The following ASIC2 variants were observed in gnomAD, a reference collection of about 807,000 sequenced individuals.
ASIC2 encodes acid-sensing ion channel 2.
In ASIC2, 25 loss-of-function variants were observed where a neutral mutation model predicts 57.3. That is an observed-to-expected ratio of 0.44 (90% CI 0.32 to 0.61). The LOEUF (loss-of-function observed/expected upper bound fraction) is 0.61. Ranked by LOEUF, ASIC2 falls within the 20% of genes least tolerant of loss-of-function variation. The pLI is 0.06. For missense variants in ASIC2, 641 were observed against 738.1 expected (o/e 0.87, Z 1.52); for synonymous variants, 319 against 307.5 (o/e 1.04, Z -0.39).
At chr17:33,305,907 A>G (rs1368778963) in intron 1 of ASIC2, among the ~76,000 whole-genome samples, 2 of 152,174 alleles carry the variant, frequency 1.3e-5, no homozygotes, top group East Asian at 1.9e-4. Context: ...ATCACCATAG[A>G]TAAAAGCTTC....
intron 1 of ASIC2, among the ~76,000 whole-genome samples, chr17:33,933,956 T>G (rs1303029727): frequency 6.6e-6 from 1 of 152,242 alleles, no homozygotes; most frequent in Non-Finnish European, 1.5e-5. Context: ...GCCGAGCTGT[T>G]AGTTTTTCTG....
At chr17:34,120,110 CCT>C (rs762420987) in intron 1 of ASIC2, 1 of 152,138 alleles carries the variant, frequency 6.6e-6, no homozygotes, top group Non-Finnish European at 1.5e-5. Context: ...CAGATTTGCC[CCT>C]GCTTTGCCTC....
intron 1 of ASIC2, among the ~76,000 whole-genome samples, chr17:33,200,444 C>T (rs1384951693): frequency 6.6e-6 from 1 of 152,194 alleles, no homozygotes; most frequent in Non-Finnish European, 1.5e-5. Flanking sequence ...AAATCTCACT[C>T]GGATGTTCAA....
At chr17:33,578,280 G>C (rs1420456213) in intron 1 of ASIC2, among the ~76,000 whole-genome samples, 5 of 152,156 alleles carry the variant, frequency 3.3e-5, no homozygotes, top group Admixed American at 6.5e-5. Context: ...GCAAATGACA[G>C]CACAGTGAAA....
intron 1 of ASIC2, among the ~76,000 whole-genome samples, chr17:34,098,509 C>T (rs867814480): frequency 5.3e-5 from 8 of 152,162 alleles, no homozygotes; most frequent in Middle Eastern, 3.4e-3. Context: ...AAAATGAGGG[C>T]GAATGTGCTC....
chr17:33,843,123 C>T (rs1299758804), intron 1 of ASIC2, among the ~76,000 whole-genome samples: 1 of 152,206 alleles, frequency 6.6e-6, no homozygotes, highest in Non-Finnish European at 1.5e-5. Context: ...ATTGCACGTG[C>T]CATTTGCAAT....
intron 1 of ASIC2, among the ~76,000 whole-genome samples, chr17:33,233,100 G>T (rs1908169769): frequency 6.6e-6 from 1 of 151,986 alleles, no homozygotes; most frequent in Non-Finnish European, 1.5e-5. Flanking sequence ...CTGACAGTCT[G>T]GGAATGGATT....
intron 2 of ASIC2, among the ~76,000 whole-genome samples, chr17:33,091,294 C>T (rs1465098233): frequency 6.6e-6 from 1 of 151,648 alleles, no homozygotes; most frequent in Non-Finnish European, 1.5e-5. Flanking sequence ...GAGTGTGGAG[C>T]CTGAAAAACA....
chr17:33,256,197 C>T (rs962261644), intron 1 of ASIC2, among the ~76,000 whole-genome samples: 3 of 151,936 alleles, frequency 2.0e-5, no homozygotes, highest in African/African-American at 4.8e-5. Context: ...CTGGCCACAG[C>T]GATTAGTAAA....
chr17:33,051,318 C>G (rs1044631769), intron 3 of ASIC2, among the ~76,000 whole-genome samples: 1 of 152,090 alleles, frequency 6.6e-6, no homozygotes, highest in Admixed American at 6.6e-5. Flanking sequence ...AATCCTGGTC[C>G]TACCGCACAC....
intron 1 of ASIC2, among the ~76,000 whole-genome samples, chr17:33,503,542 G>A (rs1914162435): frequency 6.6e-6 from 1 of 152,092 alleles, no homozygotes; most frequent in Non-Finnish European, 1.5e-5. Flanking sequence ...ATAAAAGACG[G>A]AGCCTTGGGG....
intron 1 of ASIC2, among the ~76,000 whole-genome samples, chr17:33,408,129 T>C (rs1212871438): frequency 1.3e-5 from 2 of 152,324 alleles, no homozygotes; most frequent in East Asian, 1.9e-4. Flanking sequence ...TGGGCAGAGT[T>C]TGACATGCAG....
Position 33,072,644 on chromosome 17 carries a change from C to T in ASIC2, c.987+16219G>A, listed in dbSNP as rs150335721. On this transcript the variant is annotated intron_variant, in intron 3 of 9. Transcript: ENST00000225823. ...CAGGTGACGTACGTAGGCAGGCATTCGGCCATTTGACGGGGAGAGAGTTTG... is the reference window on the plus strand; with the variant it reads ...CAGGTGACGTACGTAGGCAGGCATTTGGCCATTTGACGGGGAGAGAGTTTG... Among the ~76,000 whole-genome samples the T allele has an allele frequency of 4.9e-4, 74 of 152,318 alleles. 1 individual carries two copies. In the East Asian group the frequency reaches 7.9e-3, roughly 16 times the overall value.
At chr17:33,937,489 G>T (rs974261509) in intron 1 of ASIC2, among the ~76,000 whole-genome samples, 1 of 151,984 alleles carries the variant, frequency 6.6e-6, no homozygotes, top group Non-Finnish European at 1.5e-5. Flanking sequence ...GAGCATATTG[G>T]AGAAAAGAAG....
intron 1 of ASIC2, among the ~76,000 whole-genome samples, chr17:33,764,771 G>T (rs1403053807): frequency 6.6e-6 from 1 of 152,156 alleles, no homozygotes; most frequent in Non-Finnish European, 1.5e-5. Flanking sequence ...TGCCACACTG[G>T]GGGTAAGTTT....
chr17:33,351,517 C>G (rs891094973), intron 1 of ASIC2, among the ~76,000 whole-genome samples: 1 of 152,156 alleles, frequency 6.6e-6, no homozygotes, highest in Non-Finnish European at 1.5e-5. Flanking sequence ...CCCCCAGGTA[C>G]AGAGCCCACT....
intron 3 of ASIC2, among the ~76,000 whole-genome samples, chr17:33,056,583 T>C (rs16573): frequency 0.11 from 17,035 of 152,178 alleles, 1,249 homozygotes; most frequent in South Asian, 0.26. Flanking sequence ...CCCACTGTAA[T>C]GTGCTGGGTG....
chr17:33,100,199 G>A (rs1464317212), intron 2 of ASIC2: 1 of 152,226 alleles, frequency 6.6e-6, no homozygotes, highest in Non-Finnish European at 1.5e-5. Flanking sequence ...ACTTTAGCAG[G>A]ACTCCCAAGA....
At chr17:33,235,220 C>A (rs1908247384) in intron 1 of ASIC2, among the ~76,000 whole-genome samples, 2 of 152,170 alleles carry the variant, frequency 1.3e-5, no homozygotes, top group South Asian at 4.1e-4. Flanking sequence ...AAAGCAAAAC[C>A]AAACTAGGTC....
Sources: allele counts gnomAD v4.1 joint callset (sites outside exome capture counted in the v4.1 genomes callset), GRCh38; gene constraint gnomAD v4.1.1; transcripts MANE v1.5; gene names NCBI Gene and HGNC (gene_info 2026-07-23, HGNC 2026-07-21).